VAV3: variants seen among roughly 807,000 people sequenced by gnomAD.
The protein encoded by VAV3 is guanine nucleotide exchange factor VAV3.
VAV3 carries 94 observed loss-of-function variants against 131.2 expected under a neutral mutation model. The observed-to-expected ratio is 0.72, with a 90% confidence interval of 0.61 to 0.85. The LOEUF (loss-of-function observed/expected upper bound fraction) is 0.85, where lower values mean the gene tolerates loss of function less well. Ranked by LOEUF, VAV3 falls within the 40% of genes least tolerant of loss-of-function variation. The pLI is 0.00. For missense variants in VAV3, 939 were observed against 1,002.7 expected, an observed-to-expected ratio of 0.94 and a Z score of 0.86; for synonymous variants, 349 against 342.0, an observed-to-expected ratio of 1.02 and a Z score of -0.22.
chr1:107,589,085 C>T (rs1398868146), intron 25 of VAV3, among the ~76,000 whole-genome samples: 1 of 152,050 alleles, frequency 6.6e-6, no homozygotes, highest in Non-Finnish European at 1.5e-5. Flanking sequence ...GTAAAGTCCT[C>T]TTATAACTCC....
chr1:107,655,670 AT>A (rs1007831964), intron 19 of VAV3, among the ~76,000 whole-genome samples: 1 of 152,044 alleles, frequency 6.6e-6, no homozygotes, highest in African/African-American at 2.4e-5. Context: ...ACAATCAACA[AT>A]GTAGAGAATG....
At chr1:107,756,874 C>T (rs958336058) in intron 11 of VAV3, among the ~76,000 whole-genome samples, 3 of 151,784 alleles carry the variant, frequency 2.0e-5, no homozygotes, top group African/African-American at 4.8e-5. Flanking sequence ...CACAAGCCAA[C>T]GTTTTCTATT....
intron 2 of VAV3, among the ~76,000 whole-genome samples, chr1:107,871,336 C>T (rs1348981768): frequency 6.6e-6 from 1 of 151,554 alleles, no homozygotes; most frequent in East Asian, 1.9e-4. Context: ...CATTCCCCCC[C>T]TCTCCCCCCA....
At chr1:107,843,721 C>G (rs1378328382) in intron 2 of VAV3, among the ~76,000 whole-genome samples, 1 of 152,066 alleles carries the variant, frequency 6.6e-6, no homozygotes, top group Non-Finnish European at 1.5e-5. Context: ...CCTCTCCCCC[C>G]ATGGGGTTAT....
intron 2 of VAV3, among the ~76,000 whole-genome samples, chr1:107,821,868 GA>G (rs1411141893): frequency 6.6e-6 from 1 of 152,234 alleles, no homozygotes; most frequent in Non-Finnish European, 1.5e-5. Flanking sequence ...CTCGTATAAA[GA>G]AAGTGATTTA....
At chr1:107,795,554 T>C (rs1231069496) in intron 2 of VAV3, among the ~76,000 whole-genome samples, 3 of 152,208 alleles carry the variant, frequency 2.0e-5, no homozygotes, top group Non-Finnish European at 4.4e-5. Context: ...ATGAATGCCC[T>C]GTCAAAATAT....
intron 2 of VAV3, among the ~76,000 whole-genome samples, chr1:107,847,538 T>C (rs1571036447): frequency 6.6e-6 from 1 of 151,206 alleles, no homozygotes; most frequent in African/African-American, 2.4e-5. Flanking sequence ...CTAATAAAGA[T>C]GAAAAGAGAG....
In VAV3 at chr1:107,734,198, C is replaced by G. The variant is rs561718412; in HGVS notation, c.1502+14770G>C. On this transcript the variant is annotated intron_variant, in intron 15 of 26. Transcript: ENST00000370056. ...CACCACCAGGCCTGCCTTACAAGAG[C>G]TCCTGAAGGAAGCACTAAACACGGA... Among the ~76,000 whole-genome samples, 11 of 152,292 alleles carry G rather than the reference C, an allele frequency of 7.2e-5. No individual in the cohort carries two copies. The South Asian group carries it at 2.1e-3, about 29-fold the overall frequency.
At chr1:107,745,425 G>A (rs1425138680) in intron 15 of VAV3, among the ~76,000 whole-genome samples, 2 of 151,466 alleles carry the variant, frequency 1.3e-5, no homozygotes, top group Non-Finnish European at 2.9e-5. Flanking sequence ...GTATCCAAGT[G>A]GGTCACTGCT....
At chr1:107,650,416 A>C (rs1194394675) in intron 19 of VAV3, among the ~76,000 whole-genome samples, 21 of 152,044 alleles carry the variant, frequency 1.4e-4, no homozygotes. Flanking sequence ...AAACTCATAT[A>C]TAATTTCTAC....
At chr1:107,633,808 A>C (rs1363405162) in intron 20 of VAV3, among the ~76,000 whole-genome samples, 2 of 152,124 alleles carry the variant, frequency 1.3e-5, no homozygotes, top group African/African-American at 4.8e-5. Context: ...ATAAGGAACC[A>C]CTGAAGAGGT....
At chr1:107,612,212 G>T (rs1652804972) in intron 21 of VAV3, among the ~76,000 whole-genome samples, 1 of 150,544 alleles carries the variant, frequency 6.6e-6, no homozygotes, top group Admixed American at 6.6e-5. Flanking sequence ...AAATATATAT[G>T]TGTCTATTTA....
chr1:107,573,291 T>C lies in VAV3; in HGVS notation c.*40A>G. 6.2e-7 allele frequency: 1 copy of C among 1,609,472 alleles called. No homozygotes were observed. Among genetic ancestry groups the C allele is most frequent in the Non-Finnish European group, 8.5e-7 (1 of 1,178,350 alleles). ...TGTGCAGGCTTCTATTTATCCCTTC[T>C]CTGAAATTTTTGGTGCAGGGTGCAA... On this transcript the variant is annotated 3_prime_UTR_variant, in exon 27 of 27. Transcript: ENST00000370056.
intron 15 of VAV3, among the ~76,000 whole-genome samples, chr1:107,708,351 T>A (rs1050090280): frequency 2.0e-5 from 3 of 152,234 alleles, no homozygotes; most frequent in Admixed American, 6.5e-5. Context: ...CTGATACACA[T>A]AAAGAATTCC....
At chr1:107,899,465 A>G (rs990034311) in intron 1 of VAV3, among the ~76,000 whole-genome samples, 1 of 152,204 alleles carries the variant, frequency 6.6e-6, no homozygotes, top group African/African-American at 2.4e-5. Context: ...ATACAATTTG[A>G]TACGTGCTAT....
chr1:107,597,767 C>T (rs886784273), intron 24 of VAV3, among the ~76,000 whole-genome samples: 23 of 152,118 alleles, frequency 1.5e-4, no homozygotes, highest in African/African-American at 5.1e-4. Context: ...TCAATCTCAC[C>T]TATAAAATGG....
In VAV3 at chr1:107,843,537, GTATATA is replaced by G. The variant is rs1553218250; in HGVS notation, c.321+31358_321+31363del. Among the ~76,000 whole-genome samples, 22 of 147,554 alleles carry G rather than the reference GTATATA, an allele frequency of 1.5e-4. No homozygotes were observed. The East Asian group carries it at 4.3e-3, about 29-fold the overall frequency. On this transcript the variant is annotated intron_variant, in intron 2 of 26. Coordinates refer to ENST00000370056, the MANE Select transcript of VAV3 (RefSeq NM_006113.5). ...AATGTATGTGTGCGTGTGTGTGTGT[GTATATA>G]TATATATTTATATATATATATATGA...
intron 1 of VAV3, among the ~76,000 whole-genome samples, chr1:107,887,166 C>T (rs554966577): frequency 1.3e-5 from 2 of 152,352 alleles, no homozygotes; most frequent in East Asian, 1.9e-4. Context: ...CCTTTACCCA[C>T]CAATGCTCCG....
intron 15 of VAV3, among the ~76,000 whole-genome samples, chr1:107,733,074 C>T (rs1662356666): frequency 6.6e-6 from 1 of 152,192 alleles, no homozygotes; most frequent in African/African-American, 2.4e-5. Context: ...GCAGCCTCTG[C>T]TGGTGATACC....
Sources: allele counts gnomAD v4.1 joint callset (sites outside exome capture counted in the v4.1 genomes callset), GRCh38; gene constraint gnomAD v4.1.1; transcripts MANE v1.5; gene names NCBI Gene and HGNC (gene_info 2026-07-23, HGNC 2026-07-21).